PDE4D: variants seen among roughly 807,000 people sequenced by gnomAD.
PDE4D encodes 3',5'-cyclic-AMP phosphodiesterase 4D.
A neutral mutation model predicts 87.4 loss-of-function variants in PDE4D; 24 were observed. The ratio of observed to expected loss-of-function variants is 0.27; its 90% CI spans 0.20 to 0.39. The LOEUF is 0.39. Ranked by LOEUF, PDE4D falls within the 10% of genes least tolerant of loss-of-function variation. The pLI is 1.00. For missense variants in PDE4D, 714 were observed against 1,041.0 expected, an observed-to-expected ratio of 0.69 and a Z score of 4.32; for synonymous variants, 384 against 383.2, an observed-to-expected ratio of 1.00 and a Z score of -0.02.
At chr5:59,067,328 T>C (rs960423538) in intron 5 of PDE4D, among the ~76,000 whole-genome samples, 1 of 152,098 alleles carries the variant, frequency 6.6e-6, no homozygotes, top group African/African-American at 2.4e-5. Context: ...TGATATTTTG[T>C]TACAGCAGCT....
intron 1 of PDE4D, among the ~76,000 whole-genome samples, chr5:59,348,519 T>G (rs1343642147): frequency 6.6e-6 from 1 of 152,156 alleles, no homozygotes; most frequent in Admixed American, 6.6e-5. Flanking sequence ...TGTTCATTTT[T>G]GAATGTTTAA....
intron 5 of PDE4D, among the ~76,000 whole-genome samples, chr5:59,059,778 TTATAC>T (rs1398440267): frequency 1.3e-5 from 2 of 152,186 alleles, no homozygotes; most frequent in Admixed American, 1.3e-4. Context: ...ATGGTAAAGA[TTATAC>T]TATACATTAC....
chr5:59,395,395 T>G lies in PDE4D; in HGVS notation c.456-179427A>C, dbSNP rs939832999. On this transcript the variant is annotated intron_variant, in intron 1 of 14. Coordinates refer to ENST00000340635, the MANE Select transcript of PDE4D (RefSeq NM_001104631.2). Reference sequence around the variant, plus strand: ...AGCACGCAGCTGGAGATCTGAGAACTGGCAGACTGCCTCCTCAAGTGGGTC... The same window carrying G: ...AGCACGCAGCTGGAGATCTGAGAACGGGCAGACTGCCTCCTCAAGTGGGTC... Among the ~76,000 whole-genome samples, 7 of 152,190 alleles carry G rather than the reference T, an allele frequency of 4.6e-5. 1 individual carries two copies. In the South Asian group the frequency reaches 8.3e-4, roughly 18 times the overall value.
intron 1 of PDE4D, among the ~76,000 whole-genome samples, chr5:59,535,136 G>A (rs937035040): frequency 2.6e-5 from 4 of 151,806 alleles, no homozygotes; most frequent in Non-Finnish European, 5.9e-5. Flanking sequence ...CTAAATGATA[G>A]GAACAGGTGA....
intron 2 of PDE4D, among the ~76,000 whole-genome samples, chr5:59,210,374 T>C (rs1257368463): frequency 6.6e-6 from 1 of 152,218 alleles, no homozygotes; most frequent in African/African-American, 2.4e-5. Flanking sequence ...ATACTACTCT[T>C]ATACTTAGCA....
chr5:60,517,742 T>G (rs1189476239), intron 1 of PDE4D, among the ~76,000 whole-genome samples: 1 of 152,154 alleles, frequency 6.6e-6, no homozygotes, highest in East Asian at 1.9e-4. Context: ...GTACCGTCGC[T>G]CAATAAAGTT....
chr5:59,461,141 G>A (rs1360825671), intron 1 of PDE4D, among the ~76,000 whole-genome samples: 1 of 151,904 alleles, frequency 6.6e-6, no homozygotes, highest in East Asian at 1.9e-4. Context: ...CAACTTCATA[G>A]AGCAACATGT....
intron 1 of PDE4D, among the ~76,000 whole-genome samples, chr5:60,297,151 C>T (rs1038900591): frequency 1.3e-5 from 2 of 152,066 alleles, no homozygotes; most frequent in African/African-American, 4.8e-5. Flanking sequence ...GAAAAATGTA[C>T]CTGCTTCTCT....
chr5:60,117,173 A>T (rs987457762), intron 2 of PDE4D, among the ~76,000 whole-genome samples: 3 of 152,018 alleles, frequency 2.0e-5, no homozygotes, highest in Non-Finnish European at 2.9e-5. Context: ...TTTGGCATTA[A>T]ATTATTTAAG....
At chr5:59,112,803 CTTT>C (rs70973195) in intron 5 of PDE4D, among the ~76,000 whole-genome samples, 7 of 127,226 alleles carry the variant, frequency 5.5e-5, no homozygotes, top group Admixed American at 7.8e-5. Flanking sequence ...CTTTTTCTTT[CTTT>C]TTTTTTTTTT....
At chr5:59,134,536 G>A (rs1327588167) in intron 5 of PDE4D, among the ~76,000 whole-genome samples, 1 of 152,096 alleles carries the variant, frequency 6.6e-6, no homozygotes, top group African/African-American at 2.4e-5. Flanking sequence ...ATGTTAAAAC[G>A]AAACCCTGGC....
intron 1 of PDE4D, among the ~76,000 whole-genome samples, chr5:59,388,927 T>C (rs1015832775): frequency 6.6e-6 from 1 of 152,048 alleles, no homozygotes; most frequent in African/African-American, 2.4e-5. Context: ...GAGCATGAGG[T>C]TTTGGGGATG....
intron 2 of PDE4D, among the ~76,000 whole-genome samples, chr5:60,115,819 AAT>A (rs1778125410): frequency 6.6e-6 from 1 of 152,120 alleles, no homozygotes; most frequent in Non-Finnish European, 1.5e-5. Flanking sequence ...TTTAAAAAAG[AAT>A]ATGTTTCTTC....
intron 3 of PDE4D, among the ~76,000 whole-genome samples, chr5:59,923,197 A>T (rs1754862197): frequency 6.6e-6 from 1 of 152,146 alleles, no homozygotes; most frequent in Non-Finnish European, 1.5e-5. Context: ...CGTAAAATAG[A>T]ACACCAGGTA....
In PDE4D at chr5:60,179,966, A is replaced by G. The variant is rs141121151; in HGVS notation, c.42+5591T>C. ...AATAATTTTTTAATATTCATTAACA[A>G]TGCAACAAGATTTCTCTCCATTTTT... On this transcript the variant is annotated intron_variant, in intron 2 of 16. Coordinates refer to the PDE4D transcript ENST00000502484. Among the ~76,000 whole-genome samples the G allele has an allele frequency of 2.3e-3, 344 of 152,328 alleles. 5 individuals carry two copies. Among genetic ancestry groups the G allele is most frequent in the Admixed American group, 0.018 (278 of 15,302 alleles).
intron 3 of PDE4D, among the ~76,000 whole-genome samples, chr5:59,960,039 T>C (rs2152809706): frequency 6.6e-6 from 1 of 151,692 alleles, no homozygotes; most frequent in Admixed American, 6.6e-5. Flanking sequence ...TGGGAAAAGG[T>C]CATGAACAGA....
intron 1 of PDE4D, among the ~76,000 whole-genome samples, chr5:59,337,329 C>CG (rs1554136229): frequency 3.0e-5 from 4 of 133,502 alleles, no homozygotes; most frequent in Non-Finnish European, 6.1e-5. Flanking sequence ...AAGTTCCCCC[C>CG]CCCCCACCTT....
At chr5:59,567,970 G>T (rs1464326300) in intron 1 of PDE4D, among the ~76,000 whole-genome samples, 1 of 152,168 alleles carries the variant, frequency 6.6e-6, no homozygotes, top group Non-Finnish European at 1.5e-5. Flanking sequence ...AGCCAAGAAG[G>T]CCAAAAGGAA....
chr5:59,430,858 G>A lies in PDE4D; in HGVS notation c.456-214890C>T, dbSNP rs190441002. On this transcript the variant is annotated intron_variant, in intron 1 of 14. Coordinates refer to ENST00000340635, the MANE Select transcript of PDE4D (RefSeq NM_001104631.2). ...GTAAACAAAGCATGCATATCTGATA[G>A]GAAGGAAATAATTATTTGCTATATT... Among the ~76,000 whole-genome samples the A allele has an allele frequency of 1.2e-3, 185 of 152,222 alleles. 1 individual carries two copies. The highest frequency in any genetic ancestry group is 4.3e-3 in the African/African-American group (180 of 41,544).
Sources: allele counts gnomAD v4.1 joint callset (sites outside exome capture counted in the v4.1 genomes callset), GRCh38; gene constraint gnomAD v4.1.1; transcripts MANE v1.5; gene names NCBI Gene and HGNC (gene_info 2026-07-23, HGNC 2026-07-21).